The following MRTFB variants were observed in gnomAD, a reference collection of about 807,000 sequenced individuals.
MRTFB encodes myocardin-related transcription factor B.
A neutral mutation model predicts 104.2 loss-of-function variants in MRTFB; 29 were observed. The observed-to-expected ratio is 0.28, with a 90% confidence interval of 0.21 to 0.38. MRTFB has a LOEUF of 0.38. Among genes scored for constraint, MRTFB ranks in the 10% least tolerant of loss-of-function variants. The pLI, the probability that MRTFB is intolerant of heterozygous loss-of-function variation, is 1.00. For synonymous variants in MRTFB, 535 were observed against 519.5 expected (o/e 1.03, Z -0.41); for missense variants, 1,270 against 1,341.6 (o/e 0.95, Z 0.83).
At chr16:14,096,510 G>T (rs1004557729) in intron 2 of MRTFB, among the ~76,000 whole-genome samples, 6 of 152,130 alleles carry the variant, frequency 3.9e-5, no homozygotes, top group Admixed American at 2.6e-4. Context: ...TAGAGAAAAA[G>T]TCTAAAAAAG....
At chr16:14,064,015 T>C in the MRTFB span, among the ~76,000 whole-genome samples, 1 of 152,238 alleles carries the variant, frequency 6.6e-6, no homozygotes, top group Admixed American at 6.5e-5. Flanking sequence ...CTGGGTCCAA[T>C]GGTAGTTCTG....
At chr16:14,251,249 C>T (rs910935201) in intron 13 of MRTFB, among the ~76,000 whole-genome samples, 52 of 151,842 alleles carry the variant, frequency 3.4e-4, no homozygotes, top group African/African-American at 1.2e-3. Context: ...TGGTGGCGGG[C>T]GCCTGTAGTC....
At chr16:14,207,238 G>A (rs1267375028) in intron 3 of MRTFB, among the ~76,000 whole-genome samples, 2 of 152,194 alleles carry the variant, frequency 1.3e-5, no homozygotes, top group East Asian at 3.8e-4. Context: ...GTTAATTGGG[G>A]AAATTATTCT....
intron 9 of MRTFB, among the ~76,000 whole-genome samples, chr16:14,236,152 G>A (rs1341363337): frequency 1.7e-5 from 2 of 117,408 alleles, no homozygotes; most frequent in African/African-American, 1.3e-4. Context: ...CTGCACTCCA[G>A]CCTACTCCAG....
At chr16:14,132,828 C>T (rs2037506593) in intron 2 of MRTFB, among the ~76,000 whole-genome samples, 1 of 152,110 alleles carries the variant, frequency 6.6e-6, no homozygotes, top group African/African-American at 2.4e-5. Context: ...TGGTTATGGC[C>T]AGGAGGTGTG....
At chr16:13,997,792 C>CAAAAAAAAAAA in the MRTFB span, among the ~76,000 whole-genome samples, 1 of 90,760 alleles carries the variant, frequency 1.1e-5, no homozygotes, top group Non-Finnish European at 2.1e-5. Context: ...GACCCTATCT[C>CAAAAAAAAAAA]AAAAAAAAAA....
intron 13 of MRTFB, among the ~76,000 whole-genome samples, chr16:14,251,372 G>A (rs1450689704): frequency 1.3e-3 from 142 of 105,394 alleles, no homozygotes; most frequent in African/African-American, 4.9e-3. Context: ...GCAAGACTCC[G>A]TCTCAAAAAA....
intron 8 of MRTFB, among the ~76,000 whole-genome samples, chr16:14,224,317 C>T (rs1392294329): frequency 6.6e-6 from 1 of 152,192 alleles, no homozygotes; most frequent in Non-Finnish European, 1.5e-5. Context: ...ATAGAGTATA[C>T]TTACACAAAC....
chr16:14,171,988 T>C (rs1453863485), intron 3 of MRTFB, among the ~76,000 whole-genome samples: 1 of 152,244 alleles, frequency 6.6e-6, no homozygotes, highest in Non-Finnish European at 1.5e-5. Context: ...TGCATTCATT[T>C]ATTTTATGTT....
At chr16:14,214,101 G>A (rs764716987) in intron 6 of MRTFB, among the ~76,000 whole-genome samples, 10 of 152,132 alleles carry the variant, frequency 6.6e-5, no homozygotes, top group African/African-American at 2.4e-5. Context: ...ATCCACCTCC[G>A]CCAAATGATC....
At chr16:14,070,279 C>G (rs1341580321), upstream of MRTFB, among the ~76,000 whole-genome samples, 1 of 152,230 alleles carries the variant, frequency 6.6e-6, no homozygotes, top group African/African-American at 2.4e-5. Context: ...TGGAAACAGG[C>G]TACTTTCTCC....
intron 2 of MRTFB, among the ~76,000 whole-genome samples, chr16:14,125,789 AC>A (rs2037077455): frequency 6.6e-6 from 1 of 152,204 alleles, no homozygotes; most frequent in Non-Finnish European, 1.5e-5. Context: ...GTGATGGTTA[AC>A]ATTTTTCATC....
intron 9 of MRTFB, among the ~76,000 whole-genome samples, chr16:14,238,708 T>C (rs1161068758): frequency 6.6e-6 from 1 of 152,138 alleles, no homozygotes; most frequent in African/African-American, 2.4e-5. Context: ...GTAAAGAGCA[T>C]TGGGATTGTC....
chr16:14,208,649 C>G (rs902158200), intron 3 of MRTFB, among the ~76,000 whole-genome samples: 1 of 152,110 alleles, frequency 6.6e-6, no homozygotes, highest in Non-Finnish European at 1.5e-5. Context: ...TAAATGCAGA[C>G]AAGCATTTAC....
the MRTFB span, among the ~76,000 whole-genome samples, chr16:14,022,513 C>T: frequency 1.3e-5 from 2 of 152,314 alleles, no homozygotes; most frequent in South Asian, 4.1e-4. Flanking sequence ...TCTCCTGCCT[C>T]AGCCTCCTGA....
chr16:14,037,239 C>T, the MRTFB span, among the ~76,000 whole-genome samples: 1 of 152,130 alleles, frequency 6.6e-6, no homozygotes, highest in Admixed American at 6.5e-5. Flanking sequence ...TGTATGATTG[C>T]GTTTAATTGA....
rs148907385 is a variant in MRTFB, at chr16:14,139,313, G to T, written c.-63-1231G>T. Among the ~76,000 whole-genome samples, 10 of 152,302 alleles carry T rather than the reference G, an allele frequency of 6.6e-5. No homozygotes were observed. The East Asian group carries it at 1.9e-3, about 29-fold the overall frequency. ...GGGATGGGATGGCAAATTAAAAGAT[G>T]CACAGCATCATTAGTCACTCAGGAA... On this transcript the variant is annotated intron_variant, in intron 2 of 16. Coordinates refer to ENST00000571589, the MANE Select transcript of MRTFB (RefSeq NM_001308142.2).
intron 2 of MRTFB, among the ~76,000 whole-genome samples, chr16:14,117,355 C>T (rs1178020805): frequency 6.6e-6 from 1 of 152,236 alleles, no homozygotes. Context: ...GCCCTTACAC[C>T]CTTCCTTTCC....
intron 2 of MRTFB, among the ~76,000 whole-genome samples, chr16:14,116,678 G>A (rs972636868): frequency 5.3e-5 from 8 of 151,958 alleles, no homozygotes; most frequent in Non-Finnish European, 7.4e-5. Context: ...GCGGTGGGGC[G>A]GGGGTGGTCA....
Sources: allele counts gnomAD v4.1 joint callset (sites outside exome capture counted in the v4.1 genomes callset), GRCh38; gene constraint gnomAD v4.1.1; transcripts MANE v1.5; gene names NCBI Gene and HGNC (gene_info 2026-07-23, HGNC 2026-07-21).